Variants in SPOCK3 observed in about 807,000 individuals in gnomAD.
SPOCK3 encodes testican-3.
Under a neutral mutation model 56.6 loss-of-function variants are expected in SPOCK3, and 30 were observed. The ratio of observed to expected loss-of-function variants is 0.53; its 90% CI spans 0.40 to 0.72. SPOCK3 has a LOEUF of 0.72. Ranked by LOEUF, SPOCK3 falls within the 30% of genes least tolerant of loss-of-function variation. SPOCK3 has a pLI of 0.00. For synonymous variants in SPOCK3, 196 were observed against 183.3 expected, an observed-to-expected ratio of 1.07 and a Z score of -0.56; for missense variants, 527 against 530.0, an observed-to-expected ratio of 0.99 and a Z score of 0.06.
At chr4:166,874,369 G>T (rs1732857985) in intron 6 of SPOCK3, among the ~76,000 whole-genome samples, 1 of 152,172 alleles carries the variant, frequency 6.6e-6, no homozygotes. Context: ...CTGTGAGATT[G>T]TGGCAGGCAG....
intron 2 of SPOCK3, among the ~76,000 whole-genome samples, chr4:167,204,990 AC>A (rs1388965807): frequency 3.5e-5 from 5 of 144,264 alleles, no homozygotes; most frequent in Non-Finnish European, 7.5e-5. Flanking sequence ...CGTGCACAGT[AC>A]CATCACCAGC....
At chr4:167,070,199 G>A (rs929124934) in intron 2 of SPOCK3, among the ~76,000 whole-genome samples, 1 of 151,876 alleles carries the variant, frequency 6.6e-6, no homozygotes, top group African/African-American at 2.4e-5. Context: ...GGAAAGAAAA[G>A]ATTGGGCCAG....
chr4:166,973,178 C>A (rs187897613), intron 4 of SPOCK3, among the ~76,000 whole-genome samples: 3 of 152,050 alleles, frequency 2.0e-5, no homozygotes, highest in African/African-American at 7.2e-5. Context: ...GTTTCCCCTG[C>A]GCCCCTCCCC....
intron 3 of SPOCK3, among the ~76,000 whole-genome samples, chr4:167,054,876 T>A (rs1287886596): frequency 6.6e-6 from 1 of 152,202 alleles, no homozygotes; most frequent in African/African-American, 2.4e-5. Context: ...TGAAAATATG[T>A]AATCGATATG....
At chr4:166,872,434 C>A (rs1560956709) in intron 6 of SPOCK3, among the ~76,000 whole-genome samples, 1 of 152,030 alleles carries the variant, frequency 6.6e-6, no homozygotes, top group Admixed American at 6.6e-5. Context: ...GACGGAAAAA[C>A]AAAAACAAAC....
At chr4:167,220,781 T>C (rs925447547) in intron 2 of SPOCK3, among the ~76,000 whole-genome samples, 3 of 152,158 alleles carry the variant, frequency 2.0e-5, no homozygotes, top group Non-Finnish European at 4.4e-5. Context: ...GCCAGTAATA[T>C]GCTGTTGCCA....
At chr4:167,065,594 G>A (rs1756049689) in intron 2 of SPOCK3, among the ~76,000 whole-genome samples, 1 of 151,730 alleles carries the variant, frequency 6.6e-6, no homozygotes, top group South Asian at 2.1e-4. Context: ...TGATGGAAAT[G>A]CAAAGTAGTC....
chr4:166,899,508 C>CTTTTTTTTTT (rs781766258), intron 5 of SPOCK3, among the ~76,000 whole-genome samples: 6,248 of 118,666 alleles, frequency 0.053, 334 homozygotes, highest in Non-Finnish European at 0.08. Context: ...TTCTTTCTTT[C>CTTTTTTTTTT]TTTTTTTTTT....
intron 8 of SPOCK3, among the ~76,000 whole-genome samples, chr4:166,748,107 A>T (rs1023051250): frequency 6.6e-5 from 10 of 151,168 alleles, no homozygotes; most frequent in Non-Finnish European, 1.5e-5. Flanking sequence ...GCTACCAATG[A>T]CTTTCTTCAT....
intron 6 of SPOCK3, among the ~76,000 whole-genome samples, chr4:166,828,243 A>G (rs1197436496): frequency 1.3e-5 from 2 of 152,002 alleles, no homozygotes; most frequent in Non-Finnish European, 2.9e-5. Flanking sequence ...ATAGAAAACA[A>G]CTAGTCACAG....
intron 5 of SPOCK3, among the ~76,000 whole-genome samples, chr4:166,903,992 TTATC>T (rs1193754205): frequency 2.0e-5 from 3 of 152,058 alleles, no homozygotes; most frequent in Non-Finnish European, 2.9e-5. Context: ...TATTTTTTCT[TTATC>T]TAGAAAAATA....
intron 9 of SPOCK3, among the ~76,000 whole-genome samples, chr4:166,738,773 TC>T (rs1285867970): frequency 6.6e-6 from 1 of 151,760 alleles, no homozygotes; most frequent in Non-Finnish European, 1.5e-5. Flanking sequence ...TCCAATTTCA[TC>T]CATGTCGCTA....
chr4:166,771,034 T>C (rs947283832), intron 7 of SPOCK3, among the ~76,000 whole-genome samples: 5 of 149,064 alleles, frequency 3.4e-5, no homozygotes, highest in African/African-American at 1.2e-4. Flanking sequence ...TACATAGTGA[T>C]TGTATGATAG....
At position 166,979,934 on chromosome 4, in the gene SPOCK3, C is replaced by T. The variant is rs1305048257; in HGVS notation, c.350+20415G>A. Among the ~76,000 whole-genome samples the T allele has an allele frequency of 1.3e-5, 2 of 152,188 alleles. 1 individual carries two copies. The highest frequency in any genetic ancestry group is 6.3e-3 in the Middle Eastern group (2 of 316). On this transcript the variant is annotated intron_variant, in intron 4 of 10. Coordinates refer to ENST00000357545, the MANE Select transcript of SPOCK3 (RefSeq NM_001040159.2). The stretch of plus-strand genomic sequence containing the variant: ...CAAAATGCAGCTCTAGATTCTTGCT[C>T]CCCTTCCCTTCAGTTCCTCAAACAT...
chr4:166,769,996 G>T (rs927487095), intron 7 of SPOCK3, among the ~76,000 whole-genome samples: 2 of 152,148 alleles, frequency 1.3e-5, no homozygotes, highest in African/African-American at 4.8e-5. Flanking sequence ...CCATGCACGG[G>T]ATATAATCTC....
At chr4:167,159,480 A>C (rs1488378011) in intron 2 of SPOCK3, among the ~76,000 whole-genome samples, 2 of 152,152 alleles carry the variant, frequency 1.3e-5, no homozygotes, top group South Asian at 2.1e-4. Context: ...ACCTGGTACC[A>C]TTCCTTCTGA....
chr4:166,917,746 C>T (rs1322952873), intron 4 of SPOCK3, among the ~76,000 whole-genome samples: 1 of 152,052 alleles, frequency 6.6e-6, no homozygotes, highest in Admixed American at 6.6e-5. Flanking sequence ...TTCCCCTTCC[C>T]CCATGACTGT....
intron 4 of SPOCK3, among the ~76,000 whole-genome samples, chr4:166,915,076 CTTA>C (rs1323299758): frequency 6.6e-6 from 1 of 152,014 alleles, no homozygotes; most frequent in Non-Finnish European, 1.5e-5. Flanking sequence ...ATTTCTCAGT[CTTA>C]TTATAGGAAT....
intron 3 of SPOCK3, among the ~76,000 whole-genome samples, chr4:167,042,490 G>A (rs1753319122): frequency 6.6e-6 from 1 of 152,152 alleles, no homozygotes; most frequent in South Asian, 2.1e-4. Context: ...AGCTAATGAT[G>A]TAGTAGACAG....
Sources: gnomAD v4.1 joint callset for allele counts (sites outside exome capture counted in the v4.1 genomes callset) on GRCh38, gnomAD v4.1.1 for gene constraint, MANE v1.5 for transcripts, NCBI Gene and HGNC (gene_info 2026-07-23, HGNC 2026-07-21) for gene names.